The following FHL2 variants were observed in gnomAD, a reference collection of about 807,000 sequenced individuals.
The protein encoded by FHL2 is four and a half LIM domains protein 2.
FHL2 carries 20 observed loss-of-function variants against 32.7 expected under a neutral mutation model. That is an observed-to-expected ratio of 0.61 (90% CI 0.43 to 0.89). The LOEUF (loss-of-function observed/expected upper bound fraction) is 0.89. Among genes scored for constraint, FHL2 ranks in the 40% least tolerant of loss-of-function variants. The probability of loss-of-function intolerance (pLI) is 0.00; values close to 1 mark genes in which losing one functional copy is unlikely to be tolerated. For synonymous variants in FHL2, 123 were observed against 128.1 expected, an observed-to-expected ratio of 0.96 and a Z score of 0.27; for missense variants, 311 against 358.6, an observed-to-expected ratio of 0.87 and a Z score of 1.07.
chr2:105,366,087 T>C (rs1456902613), intron 5 of FHL2, among the ~76,000 whole-genome samples: 2 of 151,782 alleles, frequency 1.3e-5, no homozygotes, highest in Non-Finnish European at 2.9e-5. Flanking sequence ...CGCACGCCTG[T>C]AATCTCAGCT....
At chr2:105,409,230 GT>G (rs1037457013) in intron 1 of FHL2, among the ~76,000 whole-genome samples, 1 of 152,234 alleles carries the variant, frequency 6.6e-6, no homozygotes, top group Non-Finnish European at 1.5e-5. Flanking sequence ...GCCAAAGGAA[GT>G]TTTTGTTGGG....
At chr2:105,401,540 T>A (rs1165826386), upstream of FHL2, among the ~76,000 whole-genome samples, 1 of 152,230 alleles carries the variant, frequency 6.6e-6, no homozygotes, top group Admixed American at 6.5e-5. Context: ...TATAGGAAAT[T>A]ATCTTGTAGA....
chr2:105,411,821 CAA>C (rs560249519), intron 1 of FHL2, among the ~76,000 whole-genome samples: 1 of 141,340 alleles, frequency 7.1e-6, no homozygotes. Flanking sequence ...GACTCCATCT[CAA>C]AAAAAAAAAA....
rs545241650 is a variant in FHL2 at position 105,408,198 on chromosome 2, A to T, written c.-24-21658T>A. On this transcript the variant is annotated intron_variant, in intron 1 of 5. Transcript: ENST00000393352. Reference sequence around the variant, plus strand: ...GGCAGCCGGCAGAGATGGCCCACATATGACCACTGCCTTTCAACCCTACCT... The same window carrying T: ...GGCAGCCGGCAGAGATGGCCCACATTTGACCACTGCCTTTCAACCCTACCT... 1.4e-4 allele frequency among the ~76,000 whole-genome samples: 22 copies of T among 152,312 alleles called. No individual in the cohort carries two copies. The South Asian group carries it at 4.4e-3, about 30-fold the overall frequency.
rs781750373 is a variant in FHL2, at chr2:105,361,252, G to C, written c.*31C>G. 1 of 1,596,608 alleles carries C rather than the reference G, an allele frequency of 6.3e-7. No homozygotes were observed. On this transcript the variant is annotated 3_prime_UTR_variant, in exon 7 of 7. Transcript: ENST00000530340. ...AGAAAACATAAAAATCTGTGTGTGA[G>C]ATCACAAGCAGCAACTTCTCTGTGT...
chr2:105,393,566 A>C (rs796579517), intron 2 of FHL2, among the ~76,000 whole-genome samples: 24 of 152,310 alleles, frequency 1.6e-4, no homozygotes, highest in African/African-American at 5.5e-4. Context: ...AAGGGTGCCC[A>C]CTACCTGTCG....
At chr2:105,393,539 C>T (rs780958053) in intron 2 of FHL2, among the ~76,000 whole-genome samples, 1 of 152,126 alleles carries the variant, frequency 6.6e-6, no homozygotes, top group Non-Finnish European at 1.5e-5. Context: ...CGTCTTCTAC[C>T]AACCGTAAGC....
chr2:105,389,987 G>A (rs1411882968), intron 2 of FHL2: 3 of 152,374 alleles, frequency 2.0e-5, no homozygotes, highest in African/African-American at 4.8e-5. Flanking sequence ...CCAGCACTTT[G>A]GGAGGCTGAG....
chr2:105,382,670 C>T (rs1681981858), intron 3 of FHL2, among the ~76,000 whole-genome samples: 2 of 152,136 alleles, frequency 1.3e-5, no homozygotes, highest in Non-Finnish European at 2.9e-5. Flanking sequence ...TTCTGATCTG[C>T]AGATCTTTTG....
intron 1 of FHL2, among the ~76,000 whole-genome samples, chr2:105,406,743 G>A (rs189445556): frequency 8.5e-5 from 13 of 152,116 alleles, no homozygotes; most frequent in East Asian, 1.9e-4. Flanking sequence ...GCAATCCTGC[G>A]CAGGAGAGAG....
intron 4 of FHL2, among the ~76,000 whole-genome samples, chr2:105,373,214 A>T (rs753078981): frequency 1.3e-5 from 2 of 152,242 alleles, no homozygotes; most frequent in Non-Finnish European, 2.9e-5. Context: ...GTACAAATTC[A>T]GCAGGTAGAA....
At chr2:105,411,202 G>A (rs549477367) in intron 1 of FHL2, among the ~76,000 whole-genome samples, 77 of 152,184 alleles carry the variant, frequency 5.1e-4, no homozygotes, top group African/African-American at 1.8e-3. Context: ...CTAAAATTAA[G>A]GCAGACTGAC....
intron 5 of FHL2, among the ~76,000 whole-genome samples, chr2:105,365,619 A>G (rs1680573818): frequency 6.6e-6 from 1 of 151,976 alleles, no homozygotes; most frequent in African/African-American, 2.4e-5. Flanking sequence ...GAATAAAGAA[A>G]AAAACAGGAG....
In FHL2 at chr2:105,413,331, T is replaced by A. The variant is rs539410934; in HGVS notation, c.-25+25068A>T. ...AGAAGCATAAAGCCTGATTTCTTTT[T>A]CTAGTCAGACTAACGAAACGATTTA... On this transcript the variant is annotated intron_variant, in intron 1 of 5. Transcript: ENST00000393352. Among the ~76,000 whole-genome samples the A allele has an allele frequency of 2.0e-5, 3 of 152,318 alleles. No individual in the cohort carries two copies. The South Asian group carries it at 6.2e-4, about 32-fold the overall frequency.
At chr2:105,423,133 G>A (rs900033190) in intron 1 of FHL2, among the ~76,000 whole-genome samples, 9 of 152,154 alleles carry the variant, frequency 5.9e-5, no homozygotes, top group African/African-American at 2.2e-4. Flanking sequence ...GCCCCCAGAG[G>A]AATGAAGATT....
At chr2:105,436,595 A>G (rs1389870789) in intron 1 of FHL2, among the ~76,000 whole-genome samples, 1 of 152,122 alleles carries the variant, frequency 6.6e-6, no homozygotes, top group Non-Finnish European at 1.5e-5. Context: ...TATTATTTAC[A>G]GTTTCCCACA....
At chr2:105,396,538 T>C in intron 2 of FHL2, 109 bp downstream of exon 2, 1 of 929,740 alleles carries the variant, frequency 1.1e-6, no homozygotes, top group South Asian at 1.5e-5. Context: ...TATGACTGAA[T>C]GTTTGGGCAC....
intron 1 of FHL2, among the ~76,000 whole-genome samples, chr2:105,437,839 A>G (rs1313090648): frequency 6.6e-6 from 1 of 152,226 alleles, no homozygotes; most frequent in Non-Finnish European, 1.5e-5. Context: ...TAAAGCATGC[A>G]ATAGCTCTCT....
At chr2:105,398,600 A>C (rs1483260618) in intron 1 of FHL2, among the ~76,000 whole-genome samples, 5 of 152,182 alleles carry the variant, frequency 3.3e-5, no homozygotes, top group Non-Finnish European at 7.4e-5. Context: ...CGCGGGCTGC[A>C]GTCCTCCCTC....
Sources: gnomAD v4.1 joint callset for allele counts (sites outside exome capture counted in the v4.1 genomes callset) on GRCh38, gnomAD v4.1.1 for gene constraint, MANE v1.5 for transcripts, NCBI Gene and HGNC (gene_info 2026-07-23, HGNC 2026-07-21) for gene names.